The following KPNA3 variants were observed in gnomAD, a reference collection of about 807,000 sequenced individuals.
The protein encoded by KPNA3 is karyopherin subunit alpha 3, also known as importin subunit alpha-4.
KPNA3 carries 13 observed loss-of-function variants against 73.8 expected under a neutral mutation model. The ratio of observed to expected loss-of-function variants is 0.18; its 90% CI spans 0.11 to 0.28. The LOEUF is 0.28. KPNA3 is among the 10% of genes least tolerant of loss of function. KPNA3 has a pLI of 1.00. For missense variants in KPNA3, 360 were observed against 618.1 expected (o/e 0.58, Z 4.43); for synonymous variants, 186 against 206.9 (o/e 0.90, Z 0.87).
intron 1 of KPNA3, among the ~76,000 whole-genome samples, chr13:49,753,026 C>CAAAAAAAA (rs71078888): frequency 9.7e-5 from 8 of 82,212 alleles, no homozygotes; most frequent in African/African-American, 1.5e-4. Flanking sequence ...GACTCTGTCT[C>CAAAAAAAA]AAAAAAAAAA....
chr13:49,792,538 T>G lies in KPNA3; in HGVS notation c.-32A>C, dbSNP rs374334924. On this transcript the variant is annotated 5_prime_UTR_variant, in exon 1 of 17. Coordinates refer to ENST00000261667, the MANE Select transcript of KPNA3 (RefSeq NM_002267.4). Reference sequence around the variant, plus strand: ...GCGCGGCTCCGGCGGCGGCTACTCCTGCGGCTGCGGCGGCGGCGGCGGCGA... The same window carrying G: ...GCGCGGCTCCGGCGGCGGCTACTCCGGCGGCTGCGGCGGCGGCGGCGGCGA... 2 of 1,340,986 alleles carry G rather than the reference T, an allele frequency of 1.5e-6. No homozygotes were observed. The highest frequency in any genetic ancestry group is 3.6e-5 in the African/African-American group (2 of 56,044). The allele number at this position is 1,340,986 out of a possible 1,614,324, so 83.1% of individuals were successfully genotyped here.
At position 49,722,048 on chromosome 13, in the gene KPNA3, G is replaced by A. The variant is rs191284445; in HGVS notation, c.633C>T (p.Ser211=). 26 of 1,611,940 alleles carry A rather than the reference G, an allele frequency of 1.6e-5. No homozygotes were observed. Among genetic ancestry groups the A allele is most frequent in the African/African-American group, 4.0e-5 (3 of 74,840 alleles). ...CGTTCCGAAGGAAGGTGATGGGGAT[G>A]GAGGGACTGATGAAGGACAGAAGAG... ...VKPLLSFISP[S]IPITFLRNVT... is the part of the protein sequence containing the mutation. The change falls in exon 9 of 17, where the codon TCC becomes TCT. Residue 211 remains serine (S), a synonymous_variant. Transcript: ENST00000261667.
At chr13:49,791,267 C>T (rs776178998) in intron 1 of KPNA3, among the ~76,000 whole-genome samples, 6 of 152,188 alleles carry the variant, frequency 3.9e-5, no homozygotes, top group Non-Finnish European at 7.3e-5. Flanking sequence ...ACTAGCTTAT[C>T]AAAAATTACA....
At chr13:49,771,851 T>C (rs1400438708) in intron 1 of KPNA3, among the ~76,000 whole-genome samples, 1 of 152,148 alleles carries the variant, frequency 6.6e-6, no homozygotes, top group Admixed American at 6.5e-5. Context: ...TGACGGGATC[T>C]AGCCATGTTG....
At chr13:49,703,369 A>G (rs570526366) in intron 15 of KPNA3, among the ~76,000 whole-genome samples, 1 of 149,918 alleles carries the variant, frequency 6.7e-6, no homozygotes, top group Admixed American at 6.7e-5. Flanking sequence ...TTTAGTAGAG[A>G]CGGGGTTTCA....
In KPNA3 at chr13:49,787,710, C is replaced by T. The variant is rs1472960841; in HGVS notation, c.69+4728G>A. The stretch of plus-strand genomic sequence containing the variant: ...TTTTTTTTTTTTTGAGACGGAGTTT[C>T]GCTCTGTCGCCCAGGCTGGAGTGCA... On this transcript the variant is annotated intron_variant, in intron 1 of 16. Coordinates refer to ENST00000261667, the MANE Select transcript of KPNA3 (RefSeq NM_002267.4). 1.5e-4 allele frequency among the ~76,000 whole-genome samples: 20 copies of T among 135,536 alleles called. No individual in the cohort carries two copies. The South Asian group carries it at 3.9e-3, about 26-fold the overall frequency. The allele number at this position is 135,536 out of a possible 152,430, so 88.9% of individuals were successfully genotyped here. A position where few individuals can be genotyped will look rare whatever the true frequency, so the allele number is the denominator to read the frequency against.
intron 1 of KPNA3, among the ~76,000 whole-genome samples, chr13:49,788,526 C>T (rs1955003112): frequency 6.6e-6 from 1 of 151,996 alleles, no homozygotes; most frequent in African/African-American, 2.4e-5. Flanking sequence ...TGAAACCAGC[C>T]TGGGCAACAT....
At position 49,776,350 on chromosome 13, in the gene KPNA3, C is replaced by A. The variant is rs556307512; in HGVS notation, c.69+16088G>T. On this transcript the variant is annotated intron_variant, in intron 1 of 16. Coordinates refer to ENST00000261667, the MANE Select transcript of KPNA3 (RefSeq NM_002267.4). ...AGTCCCTGACAGTAACTTTAAATTG[C>A]CCAAGAGCAGTGAGGAAGCATTTTA... Among the ~76,000 whole-genome samples, 88 of 152,264 alleles carry A rather than the reference C, an allele frequency of 5.8e-4. 2 individuals carry two copies. The highest frequency in any genetic ancestry group is 3.4e-3 in the Middle Eastern group (1 of 294).
intron 1 of KPNA3, among the ~76,000 whole-genome samples, chr13:49,788,890 C>T (rs1178440317): frequency 6.6e-6 from 1 of 151,972 alleles, no homozygotes; most frequent in African/African-American, 2.4e-5. Context: ...CATTTATAAA[C>T]CTCAGAATAA....
chr13:49,747,015 T>G, intron 1 of KPNA3, 22 bp from the exon 2 acceptor site: 1 of 1,573,540 alleles, frequency 6.4e-7, no homozygotes, highest in South Asian at 1.1e-5. Flanking sequence ...AAACAAAGAT[T>G]ACAGATGTAT....
intron 1 of KPNA3, among the ~76,000 whole-genome samples, chr13:49,752,859 T>A (rs1162092333): frequency 6.6e-6 from 1 of 151,290 alleles, no homozygotes; most frequent in Non-Finnish European, 1.5e-5. Flanking sequence ...AAACCCCATC[T>A]CTACTAAAAA....
At chr13:49,739,810 A>C (rs1388312590) in intron 2 of KPNA3, among the ~76,000 whole-genome samples, 1 of 152,242 alleles carries the variant, frequency 6.6e-6, no homozygotes. Flanking sequence ...TGTGAAACTA[A>C]GCACACTGTT....
chr13:49,743,470 T>C (rs1172842517), intron 2 of KPNA3, among the ~76,000 whole-genome samples: 2 of 152,160 alleles, frequency 1.3e-5, no homozygotes, highest in African/African-American at 4.8e-5. Flanking sequence ...ATTCTTAAAC[T>C]TGAAATAAGA....
At chr13:49,735,793 G>A (rs915199304) in intron 2 of KPNA3, among the ~76,000 whole-genome samples, 3 of 152,054 alleles carry the variant, frequency 2.0e-5, no homozygotes, top group Non-Finnish European at 2.9e-5. Context: ...TTTTTACTAG[G>A]TTGAACCACA....
intron 2 of KPNA3, among the ~76,000 whole-genome samples, chr13:49,744,466 T>C (rs141314904): frequency 6.1e-4 from 93 of 152,348 alleles, no homozygotes; most frequent in African/African-American, 2.2e-3. Context: ...TGATGATTAA[T>C]AGATAATAGA....
rs577010457 is a variant in KPNA3, at chr13:49,701,736, C to A, written c.*64G>T. ...AGCCTTTTGTTGCTGTTGTTCTTAT[C>A]ATTTGGTAGCCATCTGGTGGTGCTT... On this transcript the variant is annotated 3_prime_UTR_variant, in exon 17 of 17. Coordinates refer to ENST00000261667, the MANE Select transcript of KPNA3 (RefSeq NM_002267.4). The A allele has an allele frequency of 2.8e-5, 27 of 976,456 alleles. No individual in the cohort carries two copies. The highest frequency in any genetic ancestry group is 3.8e-5 in the Non-Finnish European group (23 of 600,096). The allele number at this position is 976,456 out of a possible 1,614,324, so 60.5% of individuals were successfully genotyped here. A position where few individuals can be genotyped will look rare whatever the true frequency, so the allele number is the denominator to read the frequency against.
chr13:49,732,858 T>A, intron 3 of KPNA3, 82 bp from the exon 4 acceptor site: 1 of 1,310,952 alleles, frequency 7.6e-7, no homozygotes, highest in Non-Finnish European at 1.1e-6. Context: ...GTTAATATAC[T>A]TTCATTATCA....
At chr13:49,760,826 T>C (rs1180175662) in intron 1 of KPNA3, among the ~76,000 whole-genome samples, 1 of 152,134 alleles carries the variant, frequency 6.6e-6, no homozygotes, top group Non-Finnish European at 1.5e-5. Context: ...ACTCTCAATG[T>C]GGGTGGGCAG....
intron 1 of KPNA3, among the ~76,000 whole-genome samples, chr13:49,788,009 G>C (rs748040028): frequency 3.3e-4 from 51 of 152,312 alleles, no homozygotes; most frequent in Non-Finnish European, 7.2e-4. Context: ...TATATTGTAA[G>C]TCCAGGCTTT....
Sources: gnomAD v4.1 joint callset for allele counts (sites outside exome capture counted in the v4.1 genomes callset) on GRCh38, gnomAD v4.1.1 for gene constraint, MANE v1.5 for transcripts, NCBI Gene and HGNC (gene_info 2026-07-23, HGNC 2026-07-21) for gene names.